Variants in ATXN1 observed in about 807,000 individuals in gnomAD.
The protein encoded by ATXN1 is ataxin 1, also known as ataxin-1.
In ATXN1, 8 loss-of-function variants were observed where a neutral mutation model predicts 56.4. That is an observed-to-expected ratio of 0.14 (90% CI 0.08 to 0.26). The LOEUF (loss-of-function observed/expected upper bound fraction) is 0.26. ATXN1 is among the 10% of genes least tolerant of loss of function. ATXN1 has a pLI of 1.00. For missense variants in ATXN1, 987 were observed against 1,106.5 expected (o/e 0.89, Z 1.53); for synonymous variants, 514 against 494.6 (o/e 1.04, Z -0.52).
At chr6:16,379,589 A>T (rs190183040) in intron 6 of ATXN1, among the ~76,000 whole-genome samples, 1 of 152,322 alleles carries the variant, frequency 6.6e-6, no homozygotes, top group African/African-American at 2.4e-5. Context: ...TCATTCATTC[A>T]TTCAATAACC....
At chr6:16,311,549 C>A (rs561360752) in intron 7 of ATXN1, among the ~76,000 whole-genome samples, 1 of 152,334 alleles carries the variant, frequency 6.6e-6, no homozygotes, top group South Asian at 2.1e-4. Context: ...TCTAGTTACC[C>A]TGTACAAGTG....
chr6:16,647,504 G>A (rs1444354413), intron 3 of ATXN1, among the ~76,000 whole-genome samples: 1 of 152,090 alleles, frequency 6.6e-6, no homozygotes, highest in Admixed American at 6.6e-5. Flanking sequence ...GAAAACATAT[G>A]GTGGCTGTAA....
At chr6:16,365,193 T>G (rs536513556) in intron 6 of ATXN1, among the ~76,000 whole-genome samples, 6 of 152,210 alleles carry the variant, frequency 3.9e-5, no homozygotes, top group Non-Finnish European at 8.8e-5. Context: ...TTTTTTCTTA[T>G]TGAGACAAAG....
chr6:16,338,451 C>T (rs774149977), intron 6 of ATXN1, among the ~76,000 whole-genome samples: 2 of 152,216 alleles, frequency 1.3e-5, no homozygotes, highest in South Asian at 4.1e-4. Context: ...CGAGATCACA[C>T]CACTGCACTC....
At chr6:16,559,496 A>G (rs1182806763) in intron 4 of ATXN1, among the ~76,000 whole-genome samples, 2 of 152,256 alleles carry the variant, frequency 1.3e-5, no homozygotes, top group African/African-American at 2.4e-5. Context: ...AAGGTTTTCC[A>G]GGACACACTG....
chr6:16,637,532 A>T (rs1763622324), intron 3 of ATXN1, among the ~76,000 whole-genome samples: 1 of 152,136 alleles, frequency 6.6e-6, no homozygotes, highest in African/African-American at 2.4e-5. Flanking sequence ...AAGAAAAAGG[A>T]AGAAAGAAAC....
chr6:16,436,826 C>A (rs147609204), intron 6 of ATXN1, among the ~76,000 whole-genome samples: 240 of 152,234 alleles, frequency 1.6e-3, no homozygotes, highest in African/African-American at 5.6e-3. Context: ...GGTACAGGGT[C>A]TGGACTACAT....
At chr6:16,322,579 T>C (rs778245111) in intron 7 of ATXN1, among the ~76,000 whole-genome samples, 10 of 152,234 alleles carry the variant, frequency 6.6e-5, no homozygotes, top group Non-Finnish European at 1.2e-4. Context: ...TCTGAATTTC[T>C]CTGTGGGTGC....
At chr6:16,309,984 A>G (rs1760352385) in intron 7 of ATXN1, among the ~76,000 whole-genome samples, 1 of 151,064 alleles carries the variant, frequency 6.6e-6, no homozygotes, top group Non-Finnish European at 1.5e-5. Flanking sequence ...CAGTGAGCCA[A>G]GATCGTTGCA....
intron 6 of ATXN1, among the ~76,000 whole-genome samples, chr6:16,332,379 G>A (rs1210100369): frequency 6.6e-6 from 1 of 152,152 alleles, no homozygotes; most frequent in Non-Finnish European, 1.5e-5. Flanking sequence ...AGGTGGAAAA[G>A]TAGATTTGGA....
intron 1 of ATXN1, among the ~76,000 whole-genome samples, chr6:16,757,704 G>C (rs1265550597): frequency 6.6e-6 from 1 of 152,092 alleles, no homozygotes; most frequent in Admixed American, 6.6e-5. Flanking sequence ...ACTAAATCAA[G>C]ACATAATTCT....
At chr6:16,513,073 C>T (rs531630554) in intron 5 of ATXN1, among the ~76,000 whole-genome samples, 2 of 152,332 alleles carry the variant, frequency 1.3e-5, no homozygotes, top group South Asian at 4.1e-4. Context: ...CAGCCAACGG[C>T]TAGGAAAATG....
intron 7 of ATXN1, among the ~76,000 whole-genome samples, chr6:16,313,481 C>T (rs1205574474): frequency 6.6e-6 from 1 of 151,748 alleles, no homozygotes; most frequent in Non-Finnish European, 1.5e-5. Flanking sequence ...AACAGCCTGC[C>T]GAAAAATTCA....
intron 4 of ATXN1, among the ~76,000 whole-genome samples, chr6:16,551,387 C>A (rs1159497540): frequency 2.7e-5 from 4 of 150,566 alleles, no homozygotes; most frequent in Non-Finnish European, 5.9e-5. Context: ...AAGAAAGATT[C>A]CAGAAGGAAG....
chr6:16,577,405 T>C (rs984665198), intron 4 of ATXN1, among the ~76,000 whole-genome samples: 1 of 151,426 alleles, frequency 6.6e-6, no homozygotes, highest in Non-Finnish European at 1.5e-5. Context: ...ACACCTGTAG[T>C]CCCAGCTACT....
intron 3 of ATXN1, among the ~76,000 whole-genome samples, chr6:16,656,838 T>C (rs968624610): frequency 3.5e-4 from 53 of 152,292 alleles, no homozygotes; most frequent in African/African-American, 1.1e-3. Context: ...CTATACGGTA[T>C]AGCTTATTGC....
At chr6:16,588,245 C>T (rs898201259) in intron 3 of ATXN1, among the ~76,000 whole-genome samples, 1 of 152,194 alleles carries the variant, frequency 6.6e-6, no homozygotes, top group African/African-American at 2.4e-5. Context: ...CCCGCGTCCA[C>T]CCTGCCACCC....
intron 3 of ATXN1, among the ~76,000 whole-genome samples, chr6:16,623,987 C>T (rs1298647225): frequency 6.6e-6 from 1 of 152,110 alleles, no homozygotes; most frequent in Admixed American, 6.5e-5. Flanking sequence ...AAAGCAGTTG[C>T]CAAGGGCTTG....
At chr6:16,645,655 A>G (rs1343772694) in intron 3 of ATXN1, among the ~76,000 whole-genome samples, 1 of 152,208 alleles carries the variant, frequency 6.6e-6, no homozygotes, top group African/African-American at 2.4e-5. Context: ...ATCCATTATA[A>G]TATTAATAAC....
Sources: allele counts gnomAD v4.1 joint callset (sites outside exome capture counted in the v4.1 genomes callset), GRCh38; gene constraint gnomAD v4.1.1; transcripts MANE v1.5; gene names NCBI Gene and HGNC (gene_info 2026-07-23, HGNC 2026-07-21).